The following PSG8 variants were observed in gnomAD, a reference collection of about 807,000 sequenced individuals.
PSG8 encodes pregnancy-specific beta-1-glycoprotein 8.
A neutral mutation model predicts 42.5 loss-of-function variants in PSG8; 57 were observed. That is an observed-to-expected ratio of 1.34 (90% CI 1.08 to 1.67). The LOEUF (loss-of-function observed/expected upper bound fraction) is 1.67, where lower values mean the gene tolerates loss of function less well. Among genes scored for constraint, PSG8 ranks in the 40% most tolerant of loss-of-function variants. The pLI is 0.00. For missense variants in PSG8, 783 were observed against 518.6 expected (o/e 1.51, Z -4.95); for synonymous variants, 280 against 196.8 (o/e 1.42, Z -3.54).
At chr19:42,757,591 G>T (rs1336767464) in intron 3 of PSG8, among the ~76,000 whole-genome samples, 2 of 152,124 alleles carry the variant, frequency 1.3e-5, no homozygotes, top group Non-Finnish European at 2.9e-5. Context: ...GGGGCATCCA[G>T]GCCATGTGGA....
At chr19:42,758,427 G>C in intron 2 of PSG8, 147 bp from the exon 3 acceptor site, 1 of 1,489,452 alleles carries the variant, frequency 6.7e-7, no homozygotes, top group African/African-American at 1.4e-5. Context: ...CAAGACAGAT[G>C]CAGGGCAATC....
chr19:42,765,399 G>A (rs1372652459), intron 1 of PSG8, 119 bp downstream of exon 1: 11 of 1,476,396 alleles, frequency 7.5e-6, no homozygotes, highest in Middle Eastern at 2.3e-4. Context: ...TGATCCACCT[G>A]CCTCAGCCTC....
chr19:42,758,262 G>C lies in PSG8; in HGVS notation c.449C>G (p.Ser150Cys), dbSNP rs536270387. The change falls in exon 3 of 5, where the codon TCC (serine) becomes TGC (cysteine). Residue 150 changes from serine to cysteine, a missense_variant. By Grantham distance (112) the Ser-to-Cys change is moderately radical. Transcript: ENST00000306511. The part of the protein sequence containing the change: ...FTLYLETPKP[S>C]ISSSKLNPRE... ...GGGGTTTAATTTGCTGCTGGAGATGGAGGGCTTGGGAGTCTCCACTGTGCA... is the reference window on the plus strand; with the variant it reads ...GGGGTTTAATTTGCTGCTGGAGATGCAGGGCTTGGGAGTCTCCACTGTGCA... 5.6e-6 allele frequency: 9 copies of C among 1,613,942 alleles called. No homozygotes were observed. The highest frequency in any genetic ancestry group is 7.6e-6 in the Non-Finnish European group (9 of 1,179,930).
chr19:42,753,876 A>G, downstream of PSG8: 5 of 481,918 alleles, frequency 1.0e-5, no homozygotes, highest in Middle Eastern at 1.9e-3. Flanking sequence ...ATCAATTCTC[A>G]TGAATAGTTG....
At chr19:42,764,365 C>A in intron 1 of PSG8, 84 bp from the exon 2 acceptor site, 1 of 1,534,022 alleles carries the variant, frequency 6.5e-7, no homozygotes, top group Non-Finnish European at 8.8e-7. Flanking sequence ...GAGAAGTTCT[C>A]TTCAGTCCTC....
Position 42,758,094 on chromosome 19 carries a change from C to G in PSG8, c.617G>C (p.Gly206Ala), listed in dbSNP as rs1209957795. The G allele has an allele frequency of 2.5e-6, 4 of 1,613,916 alleles. No individual in the cohort carries two copies. The South Asian group carries it at 3.3e-5, about 13-fold the overall frequency. Reference sequence around the variant, plus strand: ...GGGTCCTGCAGTGTACTTTGTGACACCCAATAGAAAGAGGGTCCTGTTGGT... The same window carrying G: ...GGGTCCTGCAGTGTACTTTGTGACAGCCAATAGAAAGAGGGTCCTGTTGGT... ...SETNRTLFLLGVTKYTAGPYE... is the reference protein window; with the variant it reads ...SETNRTLFLLAVTKYTAGPYE... Residue 206 changes from glycine (G) to alanine (A), a missense_variant, in exon 3 of 5, where the codon GGT becomes GCT. Physicochemically the swap from Gly to Ala is moderately conservative, Grantham distance 60. Coordinates refer to ENST00000306511, the MANE Select transcript of PSG8 (RefSeq NM_182707.3).
chr19:42,760,756 G>A (rs1005174600), intron 2 of PSG8, among the ~76,000 whole-genome samples: 8 of 151,958 alleles, frequency 5.3e-5, no homozygotes, highest in African/African-American at 1.7e-4. Flanking sequence ...CTAATTTTTT[G>A]TATTTTTAGT....
Position 42,754,469 on chromosome 19 carries a change from A to G in PSG8, c.1107T>C (p.Asn369=). 1.2e-6 allele frequency: 2 copies of G among 1,613,962 alleles called. No homozygotes were observed. The highest frequency in any genetic ancestry group is 1.7e-5 in the Admixed American group (1 of 60,000). ...NPPAQYSWTI[N]GKFQLSGQKL... ...TTTGTCCTGATAGCTGAAACTTCCC[A>G]TTAATTGTCCAAGAATACTGTGCCG... Residue 369 remains asparagine (N), a synonymous_variant, in exon 5 of 5, where the codon AAT becomes AAC. Transcript: ENST00000306511.
At chr19:42,753,282 A>G (rs1969825979), downstream of PSG8, 1 of 779,982 alleles carries the variant, frequency 1.3e-6, no homozygotes, top group Admixed American at 1.7e-5. Flanking sequence ...CCTCCAGCTT[A>G]TAGGGCTTCT....
In PSG8 at chr19:42,764,289, G is replaced by C. The variant is rs146112296; in HGVS notation, c.65-8C>G. On this transcript the variant is annotated splice_polypyrimidine_tract_variant and splice_region_variant and intron_variant, in intron 1 of 4. Coordinates refer to ENST00000306511, the MANE Select transcript of PSG8 (RefSeq NM_182707.3). ...AGAAGTTTAAAAGTGATGCTAGGAGGTGGAGAGAGCATCAGTCAATATTGA... is the reference window on the plus strand; with the variant it reads ...AGAAGTTTAAAAGTGATGCTAGGAGCTGGAGAGAGCATCAGTCAATATTGA... The C allele has an allele frequency of 3.0e-5, 49 of 1,610,716 alleles. No homozygotes were observed. In the African/African-American group the frequency reaches 5.3e-4, roughly 18 times the overall value.
At chr19:42,761,289 C>T (rs1206272634) in intron 2 of PSG8, among the ~76,000 whole-genome samples, 3 of 152,200 alleles carry the variant, frequency 2.0e-5, no homozygotes, top group African/African-American at 7.2e-5. Flanking sequence ...ATAAAACTAA[C>T]ACCCTTACTT....
chr19:42,762,245 C>T (rs1395722797), intron 2 of PSG8, among the ~76,000 whole-genome samples: 4 of 151,898 alleles, frequency 2.6e-5, no homozygotes, highest in Non-Finnish European at 4.4e-5. Flanking sequence ...CAGAGAGAGG[C>T]AGAGACACCA....
At chr19:42,763,772 T>A in intron 2 of PSG8, 144 bp downstream of exon 2, 1 of 1,463,054 alleles carries the variant, frequency 6.8e-7, no homozygotes, top group Non-Finnish European at 9.5e-7. Context: ...CCTCTGTGTG[T>A]GTCCTGCACT....
intron 1 of PSG8, among the ~76,000 whole-genome samples, chr19:42,764,964 A>G (rs186740033): frequency 6.6e-6 from 1 of 151,792 alleles, no homozygotes; most frequent in Non-Finnish European, 1.5e-5. Flanking sequence ...GTGTCATCTG[A>G]TACAGTTATT....
intron 3 of PSG8, among the ~76,000 whole-genome samples, chr19:42,757,051 CT>C: frequency 6.6e-6 from 1 of 152,096 alleles, no homozygotes; most frequent in East Asian, 1.9e-4. Flanking sequence ...AATCATTTGA[CT>C]TTTTGGTTAA....
chr19:42,761,377 A>G (rs1487549987), intron 2 of PSG8, among the ~76,000 whole-genome samples: 3 of 152,212 alleles, frequency 2.0e-5, no homozygotes, highest in African/African-American at 7.2e-5. Context: ...TTCTGCTAAA[A>G]TGTTGGCACA....
rs750929309 is a variant in PSG8, at chr19:42,764,296, G to A, written c.65-15C>T. 7 of 1,608,422 alleles carry A rather than the reference G, an allele frequency of 4.4e-6. No homozygotes were observed. In the African/African-American group the frequency reaches 9.4e-5, roughly 22 times the overall value. ...TAAAAGTGATGCTAGGAGGTGGAGA[G>A]AGCATCAGTCAATATTGAGAGCTAT... On this transcript the variant is annotated splice_polypyrimidine_tract_variant and intron_variant, in intron 1 of 4. Transcript: ENST00000306511.
chr19:42,763,964 C>T lies in PSG8; in HGVS notation c.382G>A (p.Gly128Ser). Residue 128 changes from glycine to serine, a missense_variant, in exon 2 of 5, where the codon GGT becomes AGT. Coordinates refer to ENST00000306511, the MANE Select transcript of PSG8 (RefSeq NM_182707.3). ...GSYTLHIIMG[G>S]DENRGVTGHF... The stretch of plus-strand genomic sequence containing the variant: ...CCAGTTACTCCTCTATTCTCATCAC[C>T]TCCCATTATGATGTGTAAGGTGTAG... The T allele has an allele frequency of 6.2e-7, 1 of 1,613,310 alleles. No individual in the cohort carries two copies. Among genetic ancestry groups the T allele is most frequent in the Admixed American group, 1.7e-5 (1 of 59,936 alleles).
intron 2 of PSG8, among the ~76,000 whole-genome samples, chr19:42,761,570 C>T (rs924835237): frequency 3.9e-5 from 6 of 152,080 alleles, no homozygotes; most frequent in Non-Finnish European, 8.8e-5. Flanking sequence ...ATGGCTCAGC[C>T]AGTCATGTGG....
Sources: gnomAD v4.1 joint callset for allele counts (sites outside exome capture counted in the v4.1 genomes callset) on GRCh38, gnomAD v4.1.1 for gene constraint, MANE v1.5 for transcripts, NCBI Gene and HGNC (gene_info 2026-07-23, HGNC 2026-07-21) for gene names.